The following SLC35D4 variants were observed in gnomAD, a reference collection of about 807,000 sequenced individuals.
SLC35D4 encodes the protein solute carrier family 35 member D4.
At chr18:23,253,518 G>A in the SLC35D4 span, among the ~76,000 whole-genome samples, 2 of 152,076 alleles carry the variant, frequency 1.3e-5, no homozygotes, top group African/African-American at 4.8e-5. Context: ...TGTTTTATAC[G>A]ACCTGACCAA....
At chr18:23,283,324 T>C in the SLC35D4 span, among the ~76,000 whole-genome samples, 1 of 149,864 alleles carries the variant, frequency 6.7e-6, no homozygotes, top group African/African-American at 2.5e-5. Flanking sequence ...ACAAAAAAAA[T>C]ACAAAAATTA....
At chr18:23,346,465 G>GA in the SLC35D4 span, among the ~76,000 whole-genome samples, 1 of 150,998 alleles carries the variant, frequency 6.6e-6, no homozygotes, top group African/African-American at 2.4e-5. Flanking sequence ...TATATATGAT[G>GA]GTCTCATTTG....
chr18:23,421,285 G>A, the SLC35D4 span: 9 of 1,166,370 alleles, frequency 7.7e-6, no homozygotes, highest in Admixed American at 1.5e-4. Flanking sequence ...TGTGCTTCCA[G>A]TGTAACACCA....
chr18:23,359,647 T>G, the SLC35D4 span, among the ~76,000 whole-genome samples: 1 of 152,152 alleles, frequency 6.6e-6, no homozygotes, highest in Non-Finnish European at 1.5e-5. Context: ...CCCTCAAAAC[T>G]GGCAGGAAAA....
At chr18:23,241,963 G>T in the SLC35D4 span, among the ~76,000 whole-genome samples, 1 of 152,036 alleles carries the variant, frequency 6.6e-6, no homozygotes, top group Non-Finnish European at 1.5e-5. Flanking sequence ...GAAGGTCAAG[G>T]GTGAGATTTT....
the SLC35D4 span, among the ~76,000 whole-genome samples, chr18:23,407,204 T>C: frequency 6.6e-6 from 1 of 152,214 alleles, no homozygotes; most frequent in Non-Finnish European, 1.5e-5. Context: ...ATGGGGATAA[T>C]AATGCTCAGA....
the SLC35D4 span, among the ~76,000 whole-genome samples, chr18:23,240,626 T>TAAC: frequency 2.6e-5 from 4 of 152,228 alleles, no homozygotes; most frequent in South Asian, 8.3e-4. Context: ...AGGAGCAGGC[T>TAAC]TGTTGGTCAC....
chr18:23,367,359 A>T, the SLC35D4 span, among the ~76,000 whole-genome samples: 1 of 152,082 alleles, frequency 6.6e-6, no homozygotes, highest in Non-Finnish European at 1.5e-5. Context: ...TAACCAACGC[A>T]ATCAGCCACC....
At chr18:23,405,496 T>C in the SLC35D4 span, among the ~76,000 whole-genome samples, 2 of 152,252 alleles carry the variant, frequency 1.3e-5, no homozygotes, top group African/African-American at 4.8e-5. Context: ...GGCCAATTTC[T>C]GTTGTTTATA....
chr18:23,265,901 T>C, the SLC35D4 span, among the ~76,000 whole-genome samples: 1 of 152,174 alleles, frequency 6.6e-6, no homozygotes, highest in African/African-American at 2.4e-5. Context: ...GCATACATAC[T>C]GTTCTATGAG....
the SLC35D4 span, among the ~76,000 whole-genome samples, chr18:23,268,669 A>G: frequency 6.6e-6 from 1 of 152,140 alleles, no homozygotes; most frequent in East Asian, 1.9e-4. Context: ...ACGCTGGGGC[A>G]GCAGGACTAG....
At chr18:23,319,000 T>C in the SLC35D4 span, among the ~76,000 whole-genome samples, 1 of 151,574 alleles carries the variant, frequency 6.6e-6, no homozygotes, top group Non-Finnish European at 1.5e-5. Flanking sequence ...CATGCCACCA[T>C]GCCTGGCTAA....
the SLC35D4 span, chr18:23,352,269 A>G: frequency 1.2e-6 from 2 of 1,608,156 alleles, no homozygotes; most frequent in African/African-American, 1.3e-5. Flanking sequence ...ACTGAACATG[A>G]GAAAGAATCC....
the SLC35D4 span, among the ~76,000 whole-genome samples, chr18:23,414,116 A>C: frequency 6.6e-6 from 1 of 151,626 alleles, no homozygotes; most frequent in Non-Finnish European, 1.5e-5. Context: ...TTAGCCGGGC[A>C]TGGTGGCAGG....
the SLC35D4 span, among the ~76,000 whole-genome samples, chr18:23,434,239 C>A: frequency 7.9e-5 from 12 of 152,186 alleles, no homozygotes; most frequent in African/African-American, 2.9e-4. Context: ...CTCCTCCTCC[C>A]TCTGTAGACA....
chr18:23,373,991 T>C, the SLC35D4 span, among the ~76,000 whole-genome samples: 4 of 152,330 alleles, frequency 2.6e-5, no homozygotes, highest in African/African-American at 9.6e-5. Context: ...GCTAGCCGTT[T>C]CCCAGAGTCA....
the SLC35D4 span, among the ~76,000 whole-genome samples, chr18:23,326,755 C>T: frequency 2.6e-5 from 4 of 152,226 alleles, no homozygotes; most frequent in Admixed American, 2.6e-4. Flanking sequence ...ACACATTCTT[C>T]TCAGCACCAC....
At chr18:23,410,439 C>T in the SLC35D4 span, among the ~76,000 whole-genome samples, 1 of 150,382 alleles carries the variant, frequency 6.6e-6, no homozygotes, top group Non-Finnish European at 1.5e-5. Context: ...GATCACGCTA[C>T]TGCACTCCAG....
chr18:23,264,511 C>T, the SLC35D4 span, among the ~76,000 whole-genome samples: 3 of 151,888 alleles, frequency 2.0e-5, no homozygotes, highest in African/African-American at 4.8e-5. Context: ...CACAGGCGCG[C>T]GCCACTACGC....
Sources: allele counts gnomAD v4.1 joint callset (sites outside exome capture counted in the v4.1 genomes callset), GRCh38; gene constraint gnomAD v4.1.1; transcripts MANE v1.5; gene names NCBI Gene and HGNC (gene_info 2026-07-23, HGNC 2026-07-21).